Variants in CA8 observed in about 807,000 individuals in gnomAD.
CA8 encodes carbonic anhydrase-related protein.
Under a neutral mutation model 41.4 loss-of-function variants are expected in CA8, and 22 were observed. The ratio of observed to expected loss-of-function variants is 0.53; its 90% CI spans 0.38 to 0.76. CA8 has a LOEUF of 0.76. CA8 is among the 30% of genes least tolerant of loss of function. The pLI is 0.00. For synonymous variants in CA8, 121 were observed against 130.6 expected (o/e 0.93, Z 0.50); for missense variants, 270 against 352.8 (o/e 0.77, Z 1.88).
chr8:60,280,948 G>C, intron 1 of CA8, 100 bp downstream of exon 1: 1 of 841,316 alleles, frequency 1.2e-6, no homozygotes, highest in Non-Finnish European at 2.0e-6. Context: ...GGGCGTGGGG[G>C]TGCTCGGAGC....
intron 3 of CA8, among the ~76,000 whole-genome samples, chr8:60,249,054 C>T (rs72665113): frequency 0.12 from 17,902 of 152,020 alleles, 1,358 homozygotes; most frequent in South Asian, 0.22. Context: ...AGATTTGGTC[C>T]ATTGACTAGC....
At chr8:60,274,453 G>A (rs1804165005) in intron 2 of CA8, among the ~76,000 whole-genome samples, 1 of 152,168 alleles carries the variant, frequency 6.6e-6, no homozygotes, top group Non-Finnish European at 1.5e-5. Context: ...GGCCACAAGA[G>A]GCAGGTAATT....
chr8:60,254,901 C>T (rs934359753), intron 3 of CA8, among the ~76,000 whole-genome samples: 2 of 152,094 alleles, frequency 1.3e-5, no homozygotes, highest in Non-Finnish European at 2.9e-5. Context: ...ATGGAGCAAA[C>T]AAAAAGGGAT....
chr8:60,281,218 C>A lies in CA8; in HGVS notation c.-71G>T. ...GCCTTCGCTGGGCGCGGGGCTGGAG[C>A]CGGAGCGGAGCGCGCGTGGGGGAGT... On this transcript the variant is annotated 5_prime_UTR_variant, in exon 1 of 9. Transcript: ENST00000317995. 1 of 1,141,574 alleles carries A rather than the reference C, an allele frequency of 8.8e-7. No homozygotes were observed. The highest frequency in any genetic ancestry group is 1.3e-6 in the Non-Finnish European group (1 of 786,872). 70.7% of individuals were successfully genotyped at this position (1,141,574 alleles called of 1,614,324 possible).
At position 60,246,626 on chromosome 8, in the gene CA8, T is replaced by G. The variant is rs564209483; in HGVS notation, c.418-14247A>C. Among the ~76,000 whole-genome samples, 31 of 152,196 alleles carry G rather than the reference T, an allele frequency of 2.0e-4. 1 individual carries two copies. In the South Asian group the frequency reaches 6.4e-3, roughly 32 times the overall value. On this transcript the variant is annotated intron_variant, in intron 3 of 8. Transcript: ENST00000317995. The stretch of plus-strand genomic sequence containing the variant: ...CATTTGTGATAGAAATAATATCAAT[T>G]AAAAAACTTTATTTGTATATGTATA...
chr8:60,222,345 C>G (rs904433595), intron 7 of CA8, among the ~76,000 whole-genome samples: 7 of 152,188 alleles, frequency 4.6e-5, no homozygotes, highest in African/African-American at 1.4e-4. Flanking sequence ...TCCAGACTTT[C>G]CATTCTCCAC....
intron 2 of CA8, among the ~76,000 whole-genome samples, chr8:60,279,294 C>A (rs778480655): frequency 8.5e-5 from 13 of 152,172 alleles, no homozygotes; most frequent in Non-Finnish European, 1.5e-4. Context: ...TCAATAAATT[C>A]TAATCTTTGG....
chr8:60,207,271 C>A (rs1806621943), intron 8 of CA8, among the ~76,000 whole-genome samples: 1 of 152,190 alleles, frequency 6.6e-6, no homozygotes, highest in African/African-American at 2.4e-5. Flanking sequence ...TGTAAAGCCT[C>A]CCACAAGATT....
intron 2 of CA8, among the ~76,000 whole-genome samples, chr8:60,270,626 G>A (rs1247007925): frequency 6.6e-6 from 1 of 152,124 alleles, no homozygotes; most frequent in East Asian, 1.9e-4. Flanking sequence ...ATGTTGGCCA[G>A]ACTGGTCTTC....
At chr8:60,254,566 A>G (rs778529445) in intron 3 of CA8, among the ~76,000 whole-genome samples, 10 of 152,264 alleles carry the variant, frequency 6.6e-5, no homozygotes, top group Non-Finnish European at 8.8e-5. Flanking sequence ...AACAAGTTGG[A>G]TAAGTGATAT....
intron 7 of CA8, among the ~76,000 whole-genome samples, chr8:60,212,741 T>A (rs1375399786): frequency 6.6e-6 from 1 of 152,202 alleles, no homozygotes; most frequent in South Asian, 2.1e-4. Context: ...TACCTATAGT[T>A]AACAATACTG....
intron 3 of CA8, among the ~76,000 whole-genome samples, chr8:60,242,319 G>A (rs562072563): frequency 5.3e-5 from 8 of 152,020 alleles, no homozygotes; most frequent in African/African-American, 1.4e-4. Context: ...TTCTATGACC[G>A]CCATCAAACA....
chr8:60,243,857 A>G (rs1359037131), intron 3 of CA8, among the ~76,000 whole-genome samples: 1 of 152,078 alleles, frequency 6.6e-6, no homozygotes, highest in Non-Finnish European at 1.5e-5. Context: ...TTCCGCCCTA[A>G]CACCTCTTCT....
Position 60,247,264 on chromosome 8 carries a change from AGGATTGTTACATAGGTATACATATGCC to A in CA8, c.418-14912_418-14886del, listed in dbSNP as rs573974177. Among the ~76,000 whole-genome samples the A allele has an allele frequency of 9.0e-3, 1,374 of 152,188 alleles. 18 individuals are homozygous for A. The highest frequency in any genetic ancestry group is 0.03 in the African/African-American group (1,255 of 41,504). On this transcript the variant is annotated intron_variant, in intron 3 of 8. Coordinates refer to ENST00000317995, the MANE Select transcript of CA8 (RefSeq NM_004056.6). Reference sequence around the variant, plus strand: ...TCCGGGATACATATGCAGAATGTGCAGGATTGTTACATAGGTATACATATGCCGGATTGTTACATAGGTATACATATG... The same window carrying A: ...TCCGGGATACATATGCAGAATGTGCAGGATTGTTACATAGGTATACATATG...
chr8:60,224,516 T>C (rs780549080), intron 6 of CA8, 21 bp downstream of exon 6: 10 of 1,419,984 alleles, frequency 7.0e-6, no homozygotes, highest in Non-Finnish European at 1.0e-5. Context: ...ATTCATTTTA[T>C]GCAATCAGGT....
intron 3 of CA8, among the ~76,000 whole-genome samples, chr8:60,244,856 A>C (rs578246032): frequency 3.3e-5 from 5 of 152,342 alleles, no homozygotes; most frequent in African/African-American, 1.2e-4. Context: ...AATTATCTAA[A>C]GCAAAAATCA....
intron 7 of CA8, among the ~76,000 whole-genome samples, chr8:60,210,447 G>C (rs1214741871): frequency 6.6e-6 from 1 of 152,144 alleles, no homozygotes; most frequent in African/African-American, 2.4e-5. Flanking sequence ...CGAAAGCCCT[G>C]AATGATATGC....
intron 8 of CA8, among the ~76,000 whole-genome samples, chr8:60,199,409 G>A (rs1306509852): frequency 3.3e-5 from 5 of 152,114 alleles, no homozygotes; most frequent in Non-Finnish European, 5.9e-5. Context: ...CTCCTAAGAT[G>A]TCTCTGAAAA....
Position 60,187,371 on chromosome 8 carries a change from A to G in CA8, c.*2650T>C, listed in dbSNP as rs1049788139. Reference sequence around the variant, plus strand: ...ATAACTGTTAATGCCTTTATTCAAAAAAGAATTCAAATCAATAACCTAACC... The same window carrying G: ...ATAACTGTTAATGCCTTTATTCAAAGAAGAATTCAAATCAATAACCTAACC... On this transcript the variant is annotated 3_prime_UTR_variant, in exon 9 of 9. Coordinates refer to ENST00000317995, the MANE Select transcript of CA8 (RefSeq NM_004056.6). 3.3e-5 allele frequency: 5 copies of G among 152,132 alleles called. No individual in the cohort carries two copies. The highest frequency in any genetic ancestry group is 1.2e-4 in the African/African-American group (5 of 41,456). 9.4% of individuals were successfully genotyped at this position (152,132 alleles called of 1,614,324 possible).
Sources: allele counts gnomAD v4.1 joint callset (sites outside exome capture counted in the v4.1 genomes callset), GRCh38; gene constraint gnomAD v4.1.1; transcripts MANE v1.5; gene names NCBI Gene and HGNC (gene_info 2026-07-23, HGNC 2026-07-21).